Variants in MTOR observed in about 807,000 individuals in gnomAD.
The protein encoded by MTOR is serine/threonine-protein kinase mTOR.
Under a neutral mutation model 319.8 loss-of-function variants are expected in MTOR, and 70 were observed. The ratio of observed to expected loss-of-function variants is 0.22; its 90% CI spans 0.18 to 0.27. The LOEUF (loss-of-function observed/expected upper bound fraction) is 0.27. MTOR is among the 10% of genes least tolerant of loss of function. The pLI is 1.00. For synonymous variants in MTOR, 1,183 were observed against 1,211.4 expected, an observed-to-expected ratio of 0.98 and a Z score of 0.49; for missense variants, 1,890 against 3,274.4, an observed-to-expected ratio of 0.58 and a Z score of 10.32.
intron 19 of MTOR, among the ~76,000 whole-genome samples, chr1:11,216,961 T>C (rs1646490789): frequency 6.6e-6 from 1 of 152,242 alleles, no homozygotes; most frequent in African/African-American, 2.4e-5. Flanking sequence ...AACTTAAAAA[T>C]AAACCTGAAA....
At position 11,259,418 on chromosome 1, in the gene MTOR, G is replaced by T. The variant is rs1650827263; in HGVS notation, c.-9C>A. Reference sequence around the variant, plus strand: ...GGTCCGGTTCCAAGCATCTTGCCCTGAGGTTCTTTAGAGAGAAGTTTCCTT... The same window carrying T: ...GGTCCGGTTCCAAGCATCTTGCCCTTAGGTTCTTTAGAGAGAAGTTTCCTT... On this transcript the variant is annotated 5_prime_UTR_variant, in exon 2 of 58. Transcript: ENST00000361445. 2 of 1,541,608 alleles carry T rather than the reference G, an allele frequency of 1.3e-6. No individual in the cohort carries two copies. The highest frequency in any genetic ancestry group is 1.7e-6 in the Non-Finnish European group (2 of 1,151,402).
rs1642858852 is a variant in MTOR at position 11,126,717 on chromosome 1, T to C, written c.6431A>G (p.Tyr2144Cys). 2.5e-6 allele frequency: 4 copies of C among 1,613,932 alleles called. No individual in the cohort carries two copies. The highest frequency in any genetic ancestry group is 3.4e-6 in the Non-Finnish European group (4 of 1,180,018). Residue 2144 changes from tyrosine to cysteine, a missense_variant, in exon 46 of 58, where the codon TAT (tyrosine) becomes TGT (cysteine). Physicochemically the swap from Tyr to Cys is radical, Grantham distance 194. This residue lies in a region of MTOR where 249 missense variants were observed against 596.2 expected (regional missense o/e 0.42). Coordinates refer to ENST00000361445, the MANE Select transcript of MTOR (RefSeq NM_004958.4). ...RDLELAVPGT[Y>C]DPNQPIIRIQ... ...GCGAATGATTGGCTGGTTGGGGTCATATGTTCCTGGCACAGCCAATTCAAG... is the reference window on the plus strand; with the variant it reads ...GCGAATGATTGGCTGGTTGGGGTCACATGTTCCTGGCACAGCCAATTCAAG...
chr1:11,213,480 C>A lies in MTOR; in HGVS notation c.3204G>T (p.Lys1068Asn), dbSNP rs2100797437. 1 of 1,614,054 alleles carries A rather than the reference C, an allele frequency of 6.2e-7. No individual in the cohort carries two copies. Residue 1068 changes from lysine to asparagine, a missense_variant, in exon 21 of 58, where the codon AAG becomes AAT. Lys to Asn is a moderately conservative substitution (Grantham distance 94). Transcript: ENST00000361445. ...GTGGGATCAGCTGGGGCAGGTAGAG[C>A]TTAAATTCACCCCCAAGAGCTACCA... ...QIVVALGGEF[K>N]LYLPQLIPHM...
In MTOR at chr1:11,210,793, CAGAAA is replaced by C. The variant is rs1557426967; in HGVS notation, c.3654+16_3654+20del. The C allele has an allele frequency of 2.6e-6, 4 of 1,555,652 alleles. No individual in the cohort carries two copies. In the Admixed American group the frequency reaches 7.0e-5, roughly 27 times the overall value. ...AGTAAAGACAACAGGGACTTCAGAA[CAGAAA>C]AGAAGTATAGTTCACCTTGACAATT... On this transcript the variant is annotated intron_variant, in intron 24 of 57. Coordinates refer to ENST00000361445, the MANE Select transcript of MTOR (RefSeq NM_004958.4).
intron 6 of MTOR, among the ~76,000 whole-genome samples, chr1:11,251,061 G>A (rs1649601993): frequency 6.6e-6 from 1 of 152,104 alleles, no homozygotes; most frequent in Admixed American, 6.5e-5. Context: ...TCAACACAAT[G>A]GCAAGAGTGA....
chr1:11,256,665 T>C (rs1650437705), intron 4 of MTOR, among the ~76,000 whole-genome samples: 1 of 152,104 alleles, frequency 6.6e-6, no homozygotes, highest in South Asian at 2.1e-4. Context: ...TCCAAGTGTG[T>C]GTCCTTTTCC....
chr1:11,123,413 T>C (rs1370428889), intron 47 of MTOR, among the ~76,000 whole-genome samples: 2 of 148,542 alleles, frequency 1.3e-5, no homozygotes, highest in African/African-American at 5.0e-5. Flanking sequence ...GCCCAGCTTT[T>C]TTTTTTTTTT....
chr1:11,160,464 T>C (rs551171643), intron 29 of MTOR, among the ~76,000 whole-genome samples: 1 of 152,158 alleles, frequency 6.6e-6, no homozygotes. Flanking sequence ...GAGGATTAAC[T>C]GTGGCCTAGA....
rs916950036 is a variant in MTOR, at chr1:11,253,552, G to A, written c.840+287C>T. Among the ~76,000 whole-genome samples, 5 of 152,050 alleles carry A rather than the reference G, an allele frequency of 3.3e-5. No individual in the cohort carries two copies. The East Asian group carries it at 5.8e-4, about 18-fold the overall frequency. ...GCCTCAGCCTGGAACACAGTCCCCC[G>A]GCCTGCTGCAAGGTAGCTCCTTCGT... On this transcript the variant is annotated intron_variant, in intron 6 of 57. Transcript: ENST00000361445.
chr1:11,193,658 C>T (rs991034277), intron 28 of MTOR: 9 of 1,613,834 alleles, frequency 5.6e-6, no homozygotes, highest in Admixed American at 1.7e-5. Context: ...CTCCTTCTAC[C>T]GGGACTGGAA....
chr1:11,251,232 T>C (rs2788548), intron 6 of MTOR, among the ~76,000 whole-genome samples: 161 of 152,294 alleles, frequency 1.1e-3, no homozygotes, highest in African/African-American at 3.3e-3. Flanking sequence ...TGCTCAGCCA[T>C]GGTAGGGGAG....
intron 53 of MTOR, among the ~76,000 whole-genome samples, chr1:11,113,853 G>A (rs1269115306): frequency 6.6e-6 from 1 of 152,160 alleles, no homozygotes; most frequent in Non-Finnish European, 1.5e-5. Flanking sequence ...CATGTGTTGT[G>A]GGAGGGACCT....
rs921608524 is a variant in MTOR, at chr1:11,212,678, A to C, written c.3398+118T>G. 1.1e-5 allele frequency: 12 copies of C among 1,107,680 alleles called. No homozygotes were observed. The highest frequency in any genetic ancestry group is 1.6e-5 in the Non-Finnish European group (12 of 754,128). 68.6% of individuals were successfully genotyped at this position (1,107,680 alleles called of 1,614,324 possible). ...AAACCTGGGATATTTCTAGACTAAA[A>C]TAATGTGAGTTGAAATAACAAAAAA... On this transcript the variant is annotated intron_variant, in intron 22 of 57. Coordinates refer to ENST00000361445, the MANE Select transcript of MTOR (RefSeq NM_004958.4). This position sits in a 1 kb window ranked among gnomAD's most constrained non-coding sequence, Gnocchi z 4.1.
In MTOR at chr1:11,199,278, G is replaced by A. The variant is rs1645886575; in HGVS notation, c.4233C>T (p.Ala1411=). ...CCTACCTGATGAGAGATTCTAGAAT[G>A]GCAGGGGTGGGGCCTTTCTGGAACT... The part of the protein sequence containing the change: ...ELEFQKGPTP[A]ILESLISINN... Residue 1411 remains alanine (A), a synonymous_variant, in exon 28 of 58, where the codon GCC becomes GCT. Coordinates refer to ENST00000361445, the MANE Select transcript of MTOR (RefSeq NM_004958.4). The surrounding 1 kb of genome is among the most constrained non-coding windows in gnomAD (Gnocchi z 4.5). 1 of 1,614,076 alleles carries A rather than the reference G, an allele frequency of 6.2e-7. No individual in the cohort carries two copies. The highest frequency in any genetic ancestry group is 1.7e-5 in the Admixed American group (1 of 60,006).
chr1:11,144,712 A>AT lies in MTOR; in HGVS notation c.4807dup (p.Ile1603AsnfsTer46). ...TCGCTCGGGGACAAGTTTGTACTGG[A>AT]TAACCTCCTCCAGCTCGGACAGCAT... is the stretch of plus-strand genomic sequence containing the variant. On this transcript the variant is annotated frameshift_variant, in exon 34 of 58. Coordinates refer to ENST00000361445, the MANE Select transcript of MTOR (RefSeq NM_004958.4). LOFTEE classifies it high-confidence loss of function. The AT allele has an allele frequency of 6.2e-7, 1 of 1,614,022 alleles. No homozygotes were observed. The highest frequency in any genetic ancestry group is 8.5e-7 in the Non-Finnish European group (1 of 1,180,018).
intron 28 of MTOR, among the ~76,000 whole-genome samples, chr1:11,175,958 G>A (rs1644975583): frequency 6.6e-6 from 1 of 152,122 alleles, no homozygotes; most frequent in South Asian, 2.1e-4. Context: ...ATGTTGGCCA[G>A]GCTGGTCTTG....
At chr1:11,237,804 G>C in intron 13 of MTOR, 39 bp downstream of exon 13, 1 of 1,608,966 alleles carries the variant, frequency 6.2e-7, no homozygotes, top group Non-Finnish European at 8.5e-7. Context: ...CGAGAGTCCT[G>C]TCTTCCCTGC....
rs2100356600 is a variant in MTOR, at chr1:11,121,271, A to G, written c.6908T>C (p.Leu2303Pro). The change falls in exon 49 of 58, where the codon CTG becomes CCG. Residue 2303 changes from leucine (L) to proline (P), a missense_variant. By Grantham distance (98) the Leu-to-Pro change is moderately conservative (BLOSUM62 -3). Transcript: ENST00000361445. This position sits in a 1 kb window ranked among gnomAD's most constrained non-coding sequence, Gnocchi z 4.9. Reference protein sequence around the residue: ...NTAGDDLAKLLWLKSPSSEVW... With the variant: ...NTAGDDLAKLPWLKSPSSEVW... The stretch of plus-strand genomic sequence containing the variant: ...CTCGGAGCTGGGGCTTTTCAGCCAC[A>G]GCAGCTTGGCCAGGTCGTCCCCAGC... 6.2e-7 allele frequency: 1 copy of G among 1,613,892 alleles called. No homozygotes were observed. Among genetic ancestry groups the G allele is most frequent in the Non-Finnish European group, 8.5e-7 (1 of 1,180,038 alleles).
At chr1:11,192,051 C>A (rs1250240894) in intron 28 of MTOR, among the ~76,000 whole-genome samples, 1 of 152,122 alleles carries the variant, frequency 6.6e-6, no homozygotes, top group Non-Finnish European at 1.5e-5. Flanking sequence ...TAATGCTATC[C>A]AGGTGAAGGG....
Sources: gnomAD v4.1 joint callset for allele counts (sites outside exome capture counted in the v4.1 genomes callset) on GRCh38, gnomAD v4.1.1 for gene constraint, gnomAD v4.1.1 regional missense constraint, Gnocchi (gnomAD v3.1) non-coding constraint, MANE v1.5 for transcripts, NCBI Gene and HGNC (gene_info 2026-07-23, HGNC 2026-07-21) for gene names.